PRCC: variants seen among roughly 807,000 people sequenced by gnomAD.
The protein encoded by PRCC is proline-rich protein PRCC.
PRCC carries 10 observed loss-of-function variants against 44.0 expected under a neutral mutation model. The ratio of observed to expected loss-of-function variants is 0.23; its 90% CI spans 0.14 to 0.39. The LOEUF (loss-of-function observed/expected upper bound fraction) is 0.39. Among genes scored for constraint, PRCC ranks in the 10% least tolerant of loss-of-function variants. The probability of loss-of-function intolerance (pLI) is 1.00; values close to 1 mark genes in which losing one functional copy is unlikely to be tolerated. For missense variants in PRCC, 573 were observed against 624.7 expected (o/e 0.92, Z 0.88); for synonymous variants, 278 against 259.5 (o/e 1.07, Z -0.69).
At chr1:156,778,012 CTA>C (rs1490468286) in intron 1 of PRCC, among the ~76,000 whole-genome samples, 1 of 152,040 alleles carries the variant, frequency 6.6e-6, no homozygotes, top group Non-Finnish European at 1.5e-5. Context: ...TTAAATCAAA[CTA>C]ACATAGCTAT....
chr1:156,779,424 C>T (rs1247867980), intron 1 of PRCC, among the ~76,000 whole-genome samples: 3 of 151,848 alleles, frequency 2.0e-5, no homozygotes, highest in Admixed American at 6.6e-5. Context: ...AGTGTAGTGG[C>T]GCAAGCTCGG....
chr1:156,767,768 C>T lies in PRCC; in HGVS notation c.-4C>T. 2.5e-6 allele frequency: 4 copies of T among 1,592,012 alleles called. No homozygotes were observed. The highest frequency in any genetic ancestry group is 2.6e-6 in the Non-Finnish European group (3 of 1,170,950). On this transcript the variant is annotated 5_prime_UTR_variant, in exon 1 of 7. Coordinates refer to ENST00000271526, the MANE Select transcript of PRCC (RefSeq NM_005973.5). ...GCAAGGGCGCCCGAAACGCGGGAGGCGCCATGTCGCTGGTTGCTTACGCCA... is the reference window on the plus strand; with the variant it reads ...GCAAGGGCGCCCGAAACGCGGGAGGTGCCATGTCGCTGGTTGCTTACGCCA...
chr1:156,789,404 G>A (rs1652400541), intron 3 of PRCC, among the ~76,000 whole-genome samples: 1 of 152,200 alleles, frequency 6.6e-6, no homozygotes, highest in Non-Finnish European at 1.5e-5. Context: ...AAGGGAAGGT[G>A]GAAGAGGACT....
chr1:156,799,426 C>T (rs1652769074), intron 6 of PRCC, among the ~76,000 whole-genome samples: 1 of 152,186 alleles, frequency 6.6e-6, no homozygotes, highest in Non-Finnish European at 1.5e-5. Context: ...TGTATTTAGT[C>T]ATTAAATATC....
chr1:156,799,550 T>C (rs755776922), intron 6 of PRCC, among the ~76,000 whole-genome samples: 25 of 152,260 alleles, frequency 1.6e-4, no homozygotes, highest in Non-Finnish European at 3.5e-4. Flanking sequence ...TGGCAAATCT[T>C]GCTTTCATTG....
intron 3 of PRCC, among the ~76,000 whole-genome samples, chr1:156,787,661 T>TTTTTTTTTTTTTTTTTTG (rs1652322899): frequency 7.8e-6 from 1 of 127,476 alleles, no homozygotes; most frequent in African/African-American, 3.1e-5. Flanking sequence ...TTTTTTTTTT[T>TTTTTTTTTTTTTTTTTTG]TTTTTGGAGA....
intron 5 of PRCC, chr1:156,795,985 A>T (rs1652650280): frequency 6.6e-6 from 1 of 152,204 alleles, no homozygotes; most frequent in African/African-American, 2.4e-5. Context: ...TTCTATGGCC[A>T]CAGATGGCCA....
chr1:156,797,133 A>G (rs1219308737), intron 5 of PRCC, 143 bp from the exon 6 acceptor site: 3 of 836,640 alleles, frequency 3.6e-6, no homozygotes, highest in Non-Finnish European at 5.9e-6. Flanking sequence ...TAGTATATAG[A>G]GGTAAAAACA....
At chr1:156,788,100 T>G (rs146659921) in intron 3 of PRCC, among the ~76,000 whole-genome samples, 1 of 152,168 alleles carries the variant, frequency 6.6e-6, no homozygotes, top group South Asian at 2.1e-4. Context: ...CCTCCTAAAG[T>G]GATGGAATTA....
chr1:156,779,914 C>T (rs1307552985), intron 1 of PRCC, among the ~76,000 whole-genome samples: 17 of 148,904 alleles, frequency 1.1e-4, no homozygotes, highest in African/African-American at 4.2e-4. Flanking sequence ...TTTTTTGAGA[C>T]AGAGTCTGCT....
intron 3 of PRCC, chr1:156,791,094 C>T (rs762003515): frequency 3.5e-6 from 5 of 1,413,942 alleles, no homozygotes; most frequent in Non-Finnish European, 4.8e-6. Flanking sequence ...GGGCCACTCG[C>T]CTCTAAGGGG....
chr1:156,789,482 G>T (rs1243930854), intron 3 of PRCC, among the ~76,000 whole-genome samples: 3 of 152,164 alleles, frequency 2.0e-5, no homozygotes, highest in African/African-American at 7.2e-5. Flanking sequence ...GGAATCTATG[G>T]CATAGATGTC....
At chr1:156,791,615 T>C in intron 3 of PRCC, 82 bp from the exon 4 acceptor site, 1 of 1,299,354 alleles carries the variant, frequency 7.7e-7, no homozygotes, top group Non-Finnish European at 1.1e-6. Flanking sequence ...TGATGACAAT[T>C]TTCTGTTTCT....
chr1:156,800,677 G>A lies in PRCC; in HGVS notation c.*217G>A, dbSNP rs868721145. The A allele has an allele frequency of 8.0e-6, 4 of 498,794 alleles. No homozygotes were observed. Among genetic ancestry groups the A allele is most frequent in the Middle Eastern group, 5.5e-4 (1 of 1,832 alleles). The allele number at this position is 498,794 out of a possible 1,614,324, so 30.9% of individuals were successfully genotyped here. A position where few individuals can be genotyped will look rare whatever the true frequency, so the allele number is the denominator to read the frequency against. On this transcript the variant is annotated 3_prime_UTR_variant, in exon 7 of 7. Transcript: ENST00000271526. The stretch of plus-strand genomic sequence containing the variant: ...TGGAGCTAGCAAAGACTTGTGTGAT[G>A]CCTCCGAAGGGGCTCTGAGTTCTGG...
chr1:156,789,849 T>C (rs1242919475), intron 3 of PRCC, among the ~76,000 whole-genome samples: 3 of 152,268 alleles, frequency 2.0e-5, no homozygotes, highest in Non-Finnish European at 4.4e-5. Flanking sequence ...AACTTTTTAT[T>C]CACGTTGTAT....
chr1:156,779,574 G>A (rs1464231153), intron 1 of PRCC, among the ~76,000 whole-genome samples: 2 of 151,916 alleles, frequency 1.3e-5, no homozygotes, highest in South Asian at 4.1e-4. Context: ...TCACCATATT[G>A]GCCAGGCTGG....
intron 6 of PRCC, among the ~76,000 whole-genome samples, chr1:156,799,593 C>A (rs1181680401): frequency 6.6e-6 from 1 of 152,160 alleles, no homozygotes; most frequent in South Asian, 2.1e-4. Context: ...CTTTCAGGAA[C>A]TCCTTTGTAC....
chr1:156,782,507 T>C (rs1652084370), intron 2 of PRCC, among the ~76,000 whole-genome samples, 178 bp downstream of exon 2: 1 of 152,178 alleles, frequency 6.6e-6, no homozygotes, highest in South Asian at 2.1e-4. Context: ...CTCTACCCTC[T>C]CCACTCTATT....
At chr1:156,793,843 G>T (rs913416488) in intron 4 of PRCC, among the ~76,000 whole-genome samples, 1 of 151,736 alleles carries the variant, frequency 6.6e-6, no homozygotes, top group South Asian at 2.1e-4. Context: ...GCCCAGGCTT[G>T]TCTCAAACTT....
Sources: gnomAD v4.1 joint callset for allele counts (sites outside exome capture counted in the v4.1 genomes callset) on GRCh38, gnomAD v4.1.1 for gene constraint, MANE v1.5 for transcripts, NCBI Gene and HGNC (gene_info 2026-07-23, HGNC 2026-07-21) for gene names.